XYLT1: variants seen among roughly 807,000 people sequenced by gnomAD.
The protein encoded by XYLT1 is beta-D-xylosyltransferase 1.
Under a neutral mutation model 91.3 loss-of-function variants are expected in XYLT1, and 36 were observed. The ratio of observed to expected loss-of-function variants is 0.39; its 90% CI spans 0.30 to 0.52. The LOEUF (loss-of-function observed/expected upper bound fraction) is 0.52. Among genes scored for constraint, XYLT1 ranks in the 20% least tolerant of loss-of-function variants. The pLI is 0.68. For missense variants in XYLT1, 1,242 were observed against 1,284.5 expected, an observed-to-expected ratio of 0.97 and a Z score of 0.51; for synonymous variants, 588 against 532.0, an observed-to-expected ratio of 1.11 and a Z score of -1.45.
intron 1 of XYLT1, among the ~76,000 whole-genome samples, chr16:17,459,898 A>ACGGGTTACAAGACGG (rs2036794223): frequency 6.6e-6 from 1 of 152,172 alleles, no homozygotes; most frequent in Non-Finnish European, 1.5e-5. Flanking sequence ...CCTGTCCCCC[A>ACGGGTTACAAGACGG]CGGGTTACAA....
intron 3 of XYLT1, among the ~76,000 whole-genome samples, chr16:17,221,866 C>T (rs190641443): frequency 2.1e-3 from 317 of 152,300 alleles, no homozygotes; most frequent in African/African-American, 7.4e-3. Flanking sequence ...ACACATGGAT[C>T]CCAAAATCGC....
intron 3 of XYLT1, among the ~76,000 whole-genome samples, chr16:17,213,180 A>G (rs1567325469): frequency 6.6e-6 from 1 of 152,030 alleles, no homozygotes; most frequent in Non-Finnish European, 1.5e-5. Context: ...TGCGTGTTTA[A>G]AAGTGTGTGG....
chr16:17,232,983 C>T (rs2033191397), intron 3 of XYLT1, among the ~76,000 whole-genome samples: 1 of 152,014 alleles, frequency 6.6e-6, no homozygotes, highest in Non-Finnish European at 1.5e-5. Context: ...TTTTTTAATG[C>T]CTCCACCATA....
rs187689687 is a variant in XYLT1, at chr16:17,244,478, C to T, written c.913+14510G>A. Among the ~76,000 whole-genome samples, 3 of 152,266 alleles carry T rather than the reference C, an allele frequency of 2.0e-5. No homozygotes were observed. The East Asian group carries it at 5.8e-4, about 29-fold the overall frequency. On this transcript the variant is annotated intron_variant, in intron 3 of 11. Coordinates refer to ENST00000261381, the MANE Select transcript of XYLT1 (RefSeq NM_022166.4). ...CTGTTGGTGACCAATACAGGATATA[C>T]TGTTATAACCAATACAGGCTTTTCA...
chr16:17,337,270 C>A (rs912050233), intron 2 of XYLT1, among the ~76,000 whole-genome samples: 3 of 152,022 alleles, frequency 2.0e-5, no homozygotes, highest in African/African-American at 7.2e-5. Flanking sequence ...TCATTGTAGC[C>A]TCCACCTCCT....
At chr16:17,415,069 A>G (rs993866859) in intron 1 of XYLT1, among the ~76,000 whole-genome samples, 4 of 152,154 alleles carry the variant, frequency 2.6e-5, no homozygotes, top group Non-Finnish European at 5.9e-5. Context: ...CCACCCTCAC[A>G]GGGGCGGAAT....
intron 1 of XYLT1, among the ~76,000 whole-genome samples, chr16:17,445,468 G>T (rs529614876): frequency 1.3e-5 from 2 of 152,358 alleles, no homozygotes; most frequent in African/African-American, 2.4e-5. Context: ...CCTCTCTCAA[G>T]AAGTCACCAG....
chr16:17,120,787 T>G (rs1426775565), intron 10 of XYLT1, among the ~76,000 whole-genome samples: 1 of 152,170 alleles, frequency 6.6e-6, no homozygotes, highest in Non-Finnish European at 1.5e-5. Context: ...GTGCTGAACA[T>G]AGAGTAGGTG....
At chr16:17,248,704 T>C (rs1047577133) in intron 3 of XYLT1, among the ~76,000 whole-genome samples, 1 of 151,686 alleles carries the variant, frequency 6.6e-6, no homozygotes, top group African/African-American at 2.4e-5. Context: ...AAAACACAAC[T>C]ATGCAACTCC....
chr16:17,136,137 C>T (rs1205618486), intron 8 of XYLT1, among the ~76,000 whole-genome samples: 1 of 152,178 alleles, frequency 6.6e-6, no homozygotes, highest in Non-Finnish European at 1.5e-5. Context: ...GGACTTATGT[C>T]ATTACCTCTA....
chr16:17,255,900 C>T (rs972405454), intron 3 of XYLT1, among the ~76,000 whole-genome samples: 2 of 152,040 alleles, frequency 1.3e-5, no homozygotes, highest in Admixed American at 6.6e-5. Flanking sequence ...CTCAGCTACT[C>T]GGGAGGCTAA....
chr16:17,411,487 C>T (rs930814705), intron 1 of XYLT1, among the ~76,000 whole-genome samples: 6 of 152,140 alleles, frequency 3.9e-5, no homozygotes, highest in East Asian at 1.9e-4. Context: ...ATTGCTTAGA[C>T]GGTATTCTCT....
In XYLT1 at chr16:17,214,596, A is replaced by G. The variant is rs79629873; in HGVS notation, c.914-13942T>C. Among the ~76,000 whole-genome samples, 598 of 152,304 alleles carry G rather than the reference A, an allele frequency of 3.9e-3. 3 individuals carry two copies. Among genetic ancestry groups the G allele is most frequent in the African/African-American group, 0.014 (572 of 41,570 alleles). ...TTGCTACCCAGCAGAAGTAACTGGAACGAATGTCTATGATATGCCAGGCAG... is the reference window on the plus strand; with the variant it reads ...TTGCTACCCAGCAGAAGTAACTGGAGCGAATGTCTATGATATGCCAGGCAG... On this transcript the variant is annotated intron_variant, in intron 3 of 11. Coordinates refer to ENST00000261381, the MANE Select transcript of XYLT1 (RefSeq NM_022166.4).
chr16:17,400,985 T>TACACACACAC (rs71373111), intron 1 of XYLT1, among the ~76,000 whole-genome samples: 12 of 148,790 alleles, frequency 8.1e-5, no homozygotes, highest in African/African-American at 2.9e-4. Flanking sequence ...CTCTCTTTCA[T>TACACACACAC]ACACACACAC....
intron 1 of XYLT1, among the ~76,000 whole-genome samples, chr16:17,429,245 C>T (rs1312177259): frequency 6.6e-6 from 1 of 152,226 alleles, no homozygotes; most frequent in Non-Finnish European, 1.5e-5. Flanking sequence ...TCTCTAACTG[C>T]TTAATTCAAG....
At chr16:17,182,936 A>G (rs1164613028) in intron 5 of XYLT1, among the ~76,000 whole-genome samples, 2 of 152,174 alleles carry the variant, frequency 1.3e-5, no homozygotes, top group Non-Finnish European at 2.9e-5. Flanking sequence ...TAAAGCTTGG[A>G]TATTCCATTA....
intron 8 of XYLT1, chr16:17,137,635 C>G (rs995955363): frequency 6.6e-6 from 1 of 150,410 alleles, no homozygotes; most frequent in Non-Finnish European, 1.5e-5. Flanking sequence ...GAGCATTCCC[C>G]ACCCTCCTGC....
intron 1 of XYLT1, among the ~76,000 whole-genome samples, chr16:17,469,294 T>G (rs902439959): frequency 1.3e-5 from 2 of 152,228 alleles, no homozygotes; most frequent in Non-Finnish European, 2.9e-5. Context: ...ACCATCCCCC[T>G]GGTGTCTAAT....
chr16:17,468,134 G>C (rs2036924513), intron 1 of XYLT1, among the ~76,000 whole-genome samples: 1 of 152,062 alleles, frequency 6.6e-6, no homozygotes, highest in African/African-American at 2.4e-5. Context: ...GCCCCCTTCT[G>C]GTCTCCTGGA....
Sources: gnomAD v4.1 joint callset for allele counts (sites outside exome capture counted in the v4.1 genomes callset) on GRCh38, gnomAD v4.1.1 for gene constraint, MANE v1.5 for transcripts, NCBI Gene and HGNC (gene_info 2026-07-23, HGNC 2026-07-21) for gene names.